SPATA32: variants seen among roughly 807,000 people sequenced by gnomAD.
SPATA32 encodes the protein spermatogenesis-associated protein 32.
A neutral mutation model predicts 35.4 loss-of-function variants in SPATA32; 28 were observed. The observed-to-expected ratio is 0.79, with a 90% confidence interval of 0.59 to 1.09. The LOEUF (loss-of-function observed/expected upper bound fraction) is 1.09. Ranked by LOEUF, SPATA32 falls within the 50% of genes least tolerant of loss-of-function variation. The pLI, the probability that SPATA32 is intolerant of heterozygous loss-of-function variation, is 0.00. For missense variants in SPATA32, 409 were observed against 475.9 expected (o/e 0.86, Z 1.31); for synonymous variants, 168 against 196.3 (o/e 0.86, Z 1.20).
chr17:45,261,028 C>A (rs1000968958), intron 1 of SPATA32: 1 of 152,154 alleles, frequency 6.6e-6, no homozygotes, highest in African/African-American at 2.4e-5. Flanking sequence ...TAATCCTCTC[C>A]ATGACAGACC....
chr17:45,256,024 T>G lies in SPATA32; in HGVS notation c.158A>C (p.Asp53Ala). 6.8e-6 allele frequency: 11 copies of G among 1,613,252 alleles called. No individual in the cohort carries two copies. Among genetic ancestry groups the G allele is most frequent in the South Asian group, 1.1e-5 (1 of 91,014 alleles). The change falls in exon 4 of 5, where the codon GAC becomes GCC. Residue 53 changes from aspartate (D) to alanine (A), a missense_variant. Coordinates refer to ENST00000331780, the MANE Select transcript of SPATA32 (RefSeq NM_152343.3). The surrounding 1 kb of genome is among the most constrained non-coding windows in gnomAD (Gnocchi z 4.7). The stretch of plus-strand genomic sequence containing the variant: ...GTCTGGGTCTGGGTCTGGGTCCAGG[T>G]CCAGGTCCACTTGGAGTTGGGGCTT... ...EQKPQLQVDL[D>A]LDPDPDPDPE...
At chr17:45,257,132 T>C (rs117103308) in intron 2 of SPATA32, 21 bp downstream of exon 2, 30,383 of 1,611,084 alleles carry the variant, frequency 0.019, 443 homozygotes, top group Non-Finnish European at 0.021. Flanking sequence ...AGGCCCTACG[T>C]TGATTGAGGA....
At position 45,254,406 on chromosome 17, in the gene SPATA32, G is replaced by A. The variant is rs753795902; in HGVS notation, c.*20C>T. On this transcript the variant is annotated 3_prime_UTR_variant, in exon 5 of 5. Transcript: ENST00000331780. ...TCTAAGCCGACGGCCAGCACTGGAG[G>A]CTTTATTGGTTCTGTCTAGTCATTT... is the stretch of plus-strand genomic sequence containing the variant. 3.7e-6 allele frequency: 6 copies of A among 1,610,912 alleles called. No homozygotes were observed. The Admixed American group carries it at 8.3e-5, about 22-fold the overall frequency.
chr17:45,259,553 G>A (rs890927076), intron 1 of SPATA32, among the ~76,000 whole-genome samples: 1 of 151,080 alleles, frequency 6.6e-6, no homozygotes, highest in South Asian at 2.1e-4. Flanking sequence ...TTTGAGACAG[G>A]GTCTCACTCT....
intron 4 of SPATA32, 32 bp from the exon 5 acceptor site, chr17:45,254,545 C>T: frequency 6.2e-7 from 1 of 1,608,696 alleles, no homozygotes; most frequent in Non-Finnish European, 8.5e-7. Context: ...GTCACTTGGG[C>T]CCCAGAGGGT....
intron 1 of SPATA32, among the ~76,000 whole-genome samples, chr17:45,261,425 G>A (rs2044007061): frequency 6.6e-6 from 1 of 152,152 alleles, no homozygotes; most frequent in Admixed American, 6.5e-5. Context: ...TGCCCTTCTG[G>A]GAGAGAGGAT....
Position 45,255,034 on chromosome 17 carries a change from A to G in SPATA32, c.1067+81T>C. 1 of 1,372,562 alleles carries G rather than the reference A, an allele frequency of 7.3e-7. No individual in the cohort carries two copies. Among genetic ancestry groups the G allele is most frequent in the South Asian group, 1.3e-5 (1 of 77,646 alleles). 85.0% of individuals were successfully genotyped at this position (1,372,562 alleles called of 1,614,324 possible). A position where few individuals can be genotyped will look rare whatever the true frequency, so the allele number is the denominator to read the frequency against. On this transcript the variant is annotated intron_variant, in intron 4 of 4. Transcript: ENST00000331780. The surrounding 1 kb of genome is among the most constrained non-coding windows in gnomAD (Gnocchi z 5.4). ...CCAGGCCCTCATTCCACTGTTCCCC[A>G]CCCCTACCCAGCTGTGTGAGGACCC... is the stretch of plus-strand genomic sequence containing the variant.
chr17:45,257,322 T>A (rs2043967690), intron 1 of SPATA32, 115 bp from the exon 2 acceptor site: 1 of 1,174,404 alleles, frequency 8.5e-7, no homozygotes, highest in South Asian at 1.3e-5. Flanking sequence ...CGGCTGCTAT[T>A]CCCCCTCACC....
Position 45,255,818 on chromosome 17 carries a change from G to A in SPATA32, c.364C>T (p.Gln122Ter), listed in dbSNP as rs995456991. The A allele has an allele frequency of 2.5e-6, 4 of 1,614,202 alleles. No homozygotes were observed. The highest frequency in any genetic ancestry group is 3.4e-6 in the Non-Finnish European group (4 of 1,180,044). Residue 122 changes from glutamine (Q) to a stop codon, truncating the protein, a stop_gained, in exon 4 of 5, where the codon CAG becomes TAG. Coordinates refer to ENST00000331780, the MANE Select transcript of SPATA32 (RefSeq NM_152343.3). LOFTEE classifies it high-confidence loss of function. This position sits in a 1 kb window ranked among gnomAD's most constrained non-coding sequence, Gnocchi z 5.4. ...TTCAGACTCCACGGTCTGAAGGTCT[G>A]TGGCGTGGGCAGCCCCATGTTGGAG... ...VHSNMGLPTPQTFRPWSLNSN... is the reference protein window; with the variant it reads ...VHSNMGLPTP
chr17:45,255,188 C>T lies in SPATA32; in HGVS notation c.994G>A (p.Ala332Thr). Reference sequence around the variant, plus strand: ...AGCTGGATTTGCCCTTTGATGGTGGCCCTCTTGATCCCCGGCTTGCTGAAG... The same window carrying T: ...AGCTGGATTTGCCCTTTGATGGTGGTCCTCTTGATCCCCGGCTTGCTGAAG... ...FDFSKPGIKRATIKGQIQLLQ... is the reference protein window; with the variant it reads ...FDFSKPGIKRTTIKGQIQLLQ... Residue 332 changes from alanine to threonine, a missense_variant, in exon 4 of 5, where the codon GCC (alanine) becomes ACC (threonine). Physicochemically the swap from Ala to Thr is moderately conservative, Grantham distance 58. Transcript: ENST00000331780. This position sits in a 1 kb window ranked among gnomAD's most constrained non-coding sequence, Gnocchi z 5.4. 1.9e-6 allele frequency: 3 copies of T among 1,614,218 alleles called. No individual in the cohort carries two copies. Among genetic ancestry groups the T allele is most frequent in the Non-Finnish European group, 2.5e-6 (3 of 1,180,040 alleles).
At position 45,257,217 on chromosome 17, in the gene SPATA32, G is replaced by T; in HGVS notation, c.14-10C>A. The T allele has an allele frequency of 1.2e-6, 2 of 1,607,328 alleles. No individual in the cohort carries two copies. The highest frequency in any genetic ancestry group is 1.7e-6 in the Non-Finnish European group (2 of 1,176,872). Reference sequence around the variant, plus strand: ...GGAAATCCATGGGCACCTGACAGGGGAAAGGAGGTGAGGGCAGGGAGCTGC... The same window carrying T: ...GGAAATCCATGGGCACCTGACAGGGTAAAGGAGGTGAGGGCAGGGAGCTGC... On this transcript the variant is annotated splice_polypyrimidine_tract_variant and intron_variant, in intron 1 of 4. Coordinates refer to ENST00000331780, the MANE Select transcript of SPATA32 (RefSeq NM_152343.3).
At chr17:45,257,707 TCCC>T (rs1196054348) in intron 1 of SPATA32, among the ~76,000 whole-genome samples, 1 of 151,846 alleles carries the variant, frequency 6.6e-6, no homozygotes, top group African/African-American at 2.4e-5. Flanking sequence ...CATGTGAACC[TCCC>T]CCATCTCCCC....
intron 1 of SPATA32, 110 bp downstream of exon 1, chr17:45,261,894 G>C: frequency 1.7e-6 from 2 of 1,184,712 alleles, no homozygotes; most frequent in Non-Finnish European, 2.1e-6. Flanking sequence ...GGGAGCAGGG[G>C]AACGGGCCCT....
rs2143723597 is a variant in SPATA32, at chr17:45,256,654, C to T, written c.69-239G>A. ...TAGGAAGCTGCTTGCCAACTCATGC[C>T]CCACCCCCAAAGAGGAATCCAGTTG... On this transcript the variant is annotated intron_variant, in intron 2 of 4. Coordinates refer to ENST00000331780, the MANE Select transcript of SPATA32 (RefSeq NM_152343.3). This position sits in a 1 kb window ranked among gnomAD's most constrained non-coding sequence, Gnocchi z 4.7. Among the ~76,000 whole-genome samples, 1 of 152,238 alleles carries T rather than the reference C, an allele frequency of 6.6e-6. No homozygotes were observed. The highest frequency in any genetic ancestry group is 1.9e-4 in the East Asian group (1 of 5,172).
At chr17:45,254,551 AG>A (rs1313527078) in intron 4 of SPATA32, 38 bp from the exon 5 acceptor site, 2 of 1,607,528 alleles carry the variant, frequency 1.2e-6, no homozygotes, top group African/African-American at 2.7e-5. Context: ...TGGGCCCCAG[AG>A]GGTGGTTGAA....
At chr17:45,259,330 T>C (rs918086482) in intron 1 of SPATA32, among the ~76,000 whole-genome samples, 4 of 152,138 alleles carry the variant, frequency 2.6e-5, no homozygotes, top group African/African-American at 9.7e-5. Context: ...GTCTCTTAGA[T>C]TGCTTAGTTT....
rs1425677544 is a variant in SPATA32 at position 45,256,846 on chromosome 17, C to T, written c.68+307G>A. 2.0e-5 allele frequency among the ~76,000 whole-genome samples: 3 copies of T among 152,206 alleles called. No homozygotes were observed. Among genetic ancestry groups the T allele is most frequent in the Non-Finnish European group, 2.9e-5 (2 of 68,042 alleles). On this transcript the variant is annotated intron_variant, in intron 2 of 4. Coordinates refer to ENST00000331780, the MANE Select transcript of SPATA32 (RefSeq NM_152343.3). This position sits in a 1 kb window ranked among gnomAD's most constrained non-coding sequence, Gnocchi z 4.7. ...CTTTCTTCAAGTGCCTGCCCACCCCCGCCTTGAGCAGCTCTGTCCTCAGCA... is the reference window on the plus strand; with the variant it reads ...CTTTCTTCAAGTGCCTGCCCACCCCTGCCTTGAGCAGCTCTGTCCTCAGCA...
chr17:45,261,847 G>A (rs975757704), intron 1 of SPATA32, 157 bp downstream of exon 1: 2 of 804,914 alleles, frequency 2.5e-6, no homozygotes, highest in Admixed American at 8.6e-5. Flanking sequence ...GTGGGCTTTG[G>A]CGGCGGGTCG....
At chr17:45,258,726 C>CT (rs1038164334) in intron 1 of SPATA32, among the ~76,000 whole-genome samples, 1 of 150,894 alleles carries the variant, frequency 6.6e-6, no homozygotes, top group African/African-American at 2.4e-5. Context: ...CCTCCGCCTC[C>CT]TGAGATCAAG....
Sources: gnomAD v4.1 joint callset for allele counts (sites outside exome capture counted in the v4.1 genomes callset) on GRCh38, gnomAD v4.1.1 for gene constraint, Gnocchi (gnomAD v3.1) non-coding constraint, MANE v1.5 for transcripts, NCBI Gene and HGNC (gene_info 2026-07-23, HGNC 2026-07-21) for gene names.